HNRNPUL1: variants seen among roughly 807,000 people sequenced by gnomAD.
HNRNPUL1 encodes the protein heterogeneous nuclear ribonucleoprotein U-like protein 1.
HNRNPUL1 carries 14 observed loss-of-function variants against 108.5 expected under a neutral mutation model. The ratio of observed to expected loss-of-function variants is 0.13; its 90% CI spans 0.09 to 0.20. The LOEUF (loss-of-function observed/expected upper bound fraction) is 0.20, where lower values mean the gene tolerates loss of function less well. HNRNPUL1 is among the 10% of genes least tolerant of loss of function. The pLI, the probability that HNRNPUL1 is intolerant of heterozygous loss-of-function variation, is 1.00. For synonymous variants in HNRNPUL1, 422 were observed against 445.2 expected, an observed-to-expected ratio of 0.95 and a Z score of 0.66; for missense variants, 804 against 1,168.3, an observed-to-expected ratio of 0.69 and a Z score of 4.55.
rs1234116382 is a variant in HNRNPUL1, at chr19:41,264,398, T to G, written c.-106T>G. The G allele has an allele frequency of 2.0e-6, 2 of 991,044 alleles. No homozygotes were observed. Among genetic ancestry groups the G allele is most frequent in the Non-Finnish European group, 2.6e-6 (2 of 756,314 alleles). The allele number at this position is 991,044 out of a possible 1,614,324, so 61.4% of individuals were successfully genotyped here. ...TTTTGAGCCGCTGCCGCCATTGGAG[T>G]GGGCCCCCCCCCTTTCCCCCTTCGC... On this transcript the variant is annotated 5_prime_UTR_variant, in exon 1 of 15. Transcript: ENST00000392006.
rs772908438 is a variant in HNRNPUL1 at position 41,294,593 on chromosome 19, C to T, written c.1425C>T (p.Gly475=). The T allele has an allele frequency of 3.1e-6, 5 of 1,614,072 alleles. No homozygotes were observed. The highest frequency in any genetic ancestry group is 4.2e-6 in the Non-Finnish European group (5 of 1,180,044). The change falls in exon 10 of 15, where the codon GGC becomes GGT. Residue 475 remains glycine (G), a synonymous_variant. Transcript: ENST00000392006. This position sits in a 1 kb window ranked among gnomAD's most constrained non-coding sequence, Gnocchi z 4.3. Reference sequence around the variant, plus strand: ...TACGCCGGCAGCGGAACTATGCTGGCCGCTGGGATGTCCTGATCCAGCAGG... The same window carrying T: ...TACGCCGGCAGCGGAACTATGCTGGTCGCTGGGATGTCCTGATCCAGCAGG... ...MGLRRQRNYA[G]RWDVLIQQAT...
chr19:41,284,647 T>C (rs1215301707), intron 7 of HNRNPUL1, among the ~76,000 whole-genome samples: 1 of 152,002 alleles, frequency 6.6e-6, no homozygotes, highest in Non-Finnish European at 1.5e-5. Context: ...AATGAGACTC[T>C]GTCTCAAAAT....
intron 3 of HNRNPUL1, among the ~76,000 whole-genome samples, chr19:41,273,327 A>C (rs989755737): frequency 6.8e-6 from 1 of 147,354 alleles, no homozygotes; most frequent in Non-Finnish European, 1.5e-5. Flanking sequence ...CCATCTGTGC[A>C]TGCAGTGCAC....
Position 41,294,311 on chromosome 19 carries a change from A to G in HNRNPUL1, c.1267-27A>G. 6.2e-7 allele frequency: 1 copy of G among 1,612,420 alleles called. No homozygotes were observed. Among genetic ancestry groups the G allele is most frequent in the East Asian group, 2.2e-5 (1 of 44,840 alleles). ...AAGTGGTGCCATACCACCATGCCGC[A>G]ACACCTTCCCTGTCTTGTTCTTGTA... On this transcript the variant is annotated intron_variant, in intron 8 of 14. Transcript: ENST00000392006. The surrounding 1 kb of genome is among the most constrained non-coding windows in gnomAD (Gnocchi z 4.3).
chr19:41,272,712 G>T (rs748730459), intron 3 of HNRNPUL1, among the ~76,000 whole-genome samples: 6 of 152,204 alleles, frequency 3.9e-5, no homozygotes, highest in Non-Finnish European at 8.8e-5. Context: ...TTGTTCCAGT[G>T]TGGGGACTCA....
chr19:41,302,037 T>C (rs985816200), intron 11 of HNRNPUL1, among the ~76,000 whole-genome samples: 2 of 152,042 alleles, frequency 1.3e-5, no homozygotes, highest in Non-Finnish European at 1.5e-5. Flanking sequence ...TCTGTAAATA[T>C]AGGGATGGTG....
At chr19:41,283,365 C>T (rs368883687) in intron 7 of HNRNPUL1, among the ~76,000 whole-genome samples, 4 of 152,242 alleles carry the variant, frequency 2.6e-5, no homozygotes, top group Admixed American at 2.0e-4. Context: ...ACTGCAACCT[C>T]CGCCTCCGGG....
rs552783813 is a variant in HNRNPUL1 at position 41,292,592 on chromosome 19, GC to G, written c.1266+82del. On this transcript the variant is annotated intron_variant, in intron 8 of 14. Coordinates refer to ENST00000392006, the MANE Select transcript of HNRNPUL1 (RefSeq NM_007040.6). The surrounding 1 kb of genome is among the most constrained non-coding windows in gnomAD (Gnocchi z 4.1). Reference sequence around the variant, plus strand: ...CACACACACACACACACACAGACTTGCTGCGAGAGTAGCCTTGGGGCAAGTG... The same window carrying G: ...CACACACACACACACACACAGACTTGTGCGAGAGTAGCCTTGGGGCAAGTG... 58 of 1,506,820 alleles carry G rather than the reference GC, an allele frequency of 3.8e-5. No homozygotes were observed. The African/African-American group carries it at 8.0e-4, about 21-fold the overall frequency. 93.3% of individuals were successfully genotyped at this position (1,506,820 alleles called of 1,614,324 possible). A position where few individuals can be genotyped will look rare whatever the true frequency, so the allele number is the denominator to read the frequency against.
At chr19:41,276,472 A>C in intron 5 of HNRNPUL1, 174 bp downstream of exon 5, 11 of 616,560 alleles carry the variant, frequency 1.8e-5, no homozygotes, top group Middle Eastern at 4.6e-4. Flanking sequence ...GCTAAATATC[A>C]TATCAGAAAA....
intron 1 of HNRNPUL1, 162 bp downstream of exon 1, chr19:41,264,960 G>A (rs927689500): frequency 2.2e-6 from 3 of 1,334,292 alleles, no homozygotes; most frequent in Admixed American, 3.8e-5. Context: ...GCCCCAGCAC[G>A]ACCGGAGGGT....
chr19:41,264,975 C>A, intron 1 of HNRNPUL1, 177 bp downstream of exon 1: 1 of 1,350,110 alleles, frequency 7.4e-7, no homozygotes. Flanking sequence ...GAGGGTGGAT[C>A]CTGACACTCA....
intron 1 of HNRNPUL1, chr19:41,265,183 G>T (rs1472096061): frequency 3.4e-6 from 5 of 1,474,908 alleles, no homozygotes; most frequent in Non-Finnish European, 4.5e-6. Flanking sequence ...GAGCTCCGTG[G>T]GCTTGGCGGT....
chr19:41,282,740 A>G (rs915384312), intron 7 of HNRNPUL1, among the ~76,000 whole-genome samples: 1 of 139,648 alleles, frequency 7.2e-6, no homozygotes. Context: ...CCCAGGCTGG[A>G]GTGCAGTGGC....
At chr19:41,282,567 T>C (rs1018179674) in intron 7 of HNRNPUL1, among the ~76,000 whole-genome samples, 1 of 152,240 alleles carries the variant, frequency 6.6e-6, no homozygotes, top group Non-Finnish European at 1.5e-5. Context: ...ATCCAGATTC[T>C]AACATTTGCC....
At chr19:41,287,529 A>G (rs1340909838) in intron 7 of HNRNPUL1, among the ~76,000 whole-genome samples, 2 of 151,948 alleles carry the variant, frequency 1.3e-5, no homozygotes, top group Non-Finnish European at 2.9e-5. Context: ...ACAGTTTCTC[A>G]GCCTTTTTTT....
intron 2 of HNRNPUL1, among the ~76,000 whole-genome samples, chr19:41,270,593 CTTTTTTTTTTT>C (rs71177707): frequency 8.4e-6 from 1 of 118,828 alleles, no homozygotes; most frequent in Non-Finnish European, 1.7e-5. Context: ...TCTCCCTTCC[CTTTTTTTTTTT>C]TTTTTTTTTG....
At position 41,294,390 on chromosome 19, in the gene HNRNPUL1, A is replaced by C. The variant is rs1255374231; in HGVS notation, c.1319A>C (p.Lys440Thr). 1.9e-6 allele frequency: 3 copies of C among 1,614,162 alleles called. No homozygotes were observed. In the East Asian group the frequency reaches 6.7e-5, roughly 36 times the overall value. ...GCTGGCAAGACCACATGGGCCATCA[A>C]ACATGCAGCCTCCAACCCTTCCAAG... The part of the protein sequence containing the change: ...PAAGKTTWAI[K>T]HAASNPSKKY... Residue 440 changes from lysine to threonine, a missense_variant, in exon 9 of 15, where the codon AAA (lysine) becomes ACA (threonine). This residue lies in a region of HNRNPUL1 where 80 missense variants were observed against 221.8 expected (regional missense o/e 0.36). Coordinates refer to ENST00000392006, the MANE Select transcript of HNRNPUL1 (RefSeq NM_007040.6). The surrounding 1 kb of genome is among the most constrained non-coding windows in gnomAD (Gnocchi z 4.3).
intron 10 of HNRNPUL1, among the ~76,000 whole-genome samples, chr19:41,296,755 C>T (rs1156984497): frequency 6.6e-6 from 1 of 152,206 alleles, no homozygotes; most frequent in African/African-American, 2.4e-5. Flanking sequence ...GTCTCCTGGG[C>T]TAGGTGGAAT....
intron 5 of HNRNPUL1, 108 bp downstream of exon 5, chr19:41,276,406 G>A (rs2035560733): frequency 8.3e-7 from 1 of 1,205,102 alleles, no homozygotes; most frequent in Non-Finnish European, 1.1e-6. Context: ...ATTGGATTGT[G>A]CAATACCATG....
Sources: gnomAD v4.1 joint callset for allele counts (sites outside exome capture counted in the v4.1 genomes callset) on GRCh38, gnomAD v4.1.1 for gene constraint, gnomAD v4.1.1 regional missense constraint, Gnocchi (gnomAD v3.1) non-coding constraint, MANE v1.5 for transcripts, NCBI Gene and HGNC (gene_info 2026-07-23, HGNC 2026-07-21) for gene names.